Variants in WWOX observed in about 807,000 individuals in gnomAD.
The protein encoded by WWOX is WW domain-containing oxidoreductase.
Under a neutral mutation model 46.2 loss-of-function variants are expected in WWOX, and 69 were observed. The observed-to-expected ratio is 1.49, with a 90% CI of 1.23 to 1.82. The LOEUF (loss-of-function observed/expected upper bound fraction) is 1.82, where lower values mean the gene tolerates loss of function less well. Ranked by LOEUF, WWOX falls within the 40% of genes most tolerant of loss-of-function variation. WWOX has a pLI of 0.00. For missense variants in WWOX, 919 were observed against 542.6 expected (o/e 1.69, Z -6.89); for synonymous variants, 359 against 202.6 (o/e 1.77, Z -6.56).
chr16:78,488,070 A>G (rs1286258731), intron 8 of WWOX, among the ~76,000 whole-genome samples: 1 of 152,194 alleles, frequency 6.6e-6, no homozygotes, highest in Non-Finnish European at 1.5e-5. Flanking sequence ...TTGTGGTTCC[A>G]GCCTATTTTC....
intron 8 of WWOX, among the ~76,000 whole-genome samples, chr16:78,480,438 A>T (rs541800312): frequency 6.6e-5 from 10 of 152,324 alleles, no homozygotes; most frequent in Non-Finnish European, 1.3e-4. Flanking sequence ...GTACTGTTTT[A>T]AGTGTTTTGC....
At chr16:78,999,219 C>A (rs1289673159) in intron 8 of WWOX, among the ~76,000 whole-genome samples, 1 of 151,910 alleles carries the variant, frequency 6.6e-6, no homozygotes, top group East Asian at 1.9e-4. Context: ...ACCTGTAATC[C>A]CAGCACTTTG....
chr16:78,527,990 CCTTTTTTT>C (rs1419981333), intron 8 of WWOX, among the ~76,000 whole-genome samples: 1 of 57,976 alleles, frequency 1.7e-5, no homozygotes, highest in East Asian at 7.3e-4. Context: ...TGGTACATGT[CCTTTTTTT>C]TTTTTTTTTT....
chr16:79,163,516 A>G (rs2050527965), intron 8 of WWOX, among the ~76,000 whole-genome samples: 1 of 152,070 alleles, frequency 6.6e-6, no homozygotes, highest in South Asian at 2.1e-4. Flanking sequence ...TGTTAGAGAA[A>G]GGCCGGGCAT....
At chr16:78,526,361 G>A (rs1329310964) in intron 8 of WWOX, 1 of 152,216 alleles carries the variant, frequency 6.6e-6, no homozygotes, top group Non-Finnish European at 1.5e-5. Flanking sequence ...CCCTTCCACT[G>A]GCTGTGACAA....
intron 8 of WWOX, among the ~76,000 whole-genome samples, chr16:79,035,042 T>A (rs182999202): frequency 2.0e-5 from 3 of 152,326 alleles, no homozygotes; most frequent in African/African-American, 7.2e-5. Flanking sequence ...TTGTCAACAT[T>A]TCCTACATTC....
At chr16:78,673,880 A>G (rs1478638791) in intron 8 of WWOX, among the ~76,000 whole-genome samples, 3 of 152,160 alleles carry the variant, frequency 2.0e-5, no homozygotes, top group Admixed American at 6.5e-5. Context: ...AAGAGCAGCT[A>G]TTTTAGAGAC....
At chr16:78,734,572 G>A (rs1209369570) in intron 8 of WWOX, among the ~76,000 whole-genome samples, 1 of 152,102 alleles carries the variant, frequency 6.6e-6, no homozygotes, top group Non-Finnish European at 1.5e-5. Flanking sequence ...TGGTTTATGT[G>A]TAACTGAACC....
intron 8 of WWOX, among the ~76,000 whole-genome samples, chr16:79,124,539 C>T (rs995828872): frequency 6.6e-6 from 1 of 152,166 alleles, no homozygotes; most frequent in Non-Finnish European, 1.5e-5. Flanking sequence ...TGTTCAGATT[C>T]AGCATCTTTT....
intron 8 of WWOX, among the ~76,000 whole-genome samples, chr16:79,015,598 C>G (rs1409394906): frequency 6.6e-6 from 1 of 152,098 alleles, no homozygotes; most frequent in Non-Finnish European, 1.5e-5. Context: ...GGTTGGGTTC[C>G]ATATTCATAT....
intron 8 of WWOX, among the ~76,000 whole-genome samples, chr16:79,055,204 C>T (rs2048239362): frequency 6.6e-6 from 1 of 152,332 alleles, no homozygotes; most frequent in African/African-American, 2.4e-5. Context: ...ATTACCAGGA[C>T]ACTTGCTGTT....
At position 78,507,397 on chromosome 16, in the gene WWOX, G is replaced by A. The variant is rs191940253; in HGVS notation, c.1056+74645G>A. On this transcript the variant is annotated intron_variant, in intron 8 of 8. Transcript: ENST00000566780. The stretch of plus-strand genomic sequence containing the variant: ...TCAAAAGGAAACAAACAATGTTGCT[G>A]AGAAGTGATAGAATATTCTAGTTTA... Among the ~76,000 whole-genome samples, 3 of 152,306 alleles carry A rather than the reference G, an allele frequency of 2.0e-5. No individual in the cohort carries two copies. The East Asian group carries it at 5.8e-4, about 29-fold the overall frequency.
At chr16:78,581,040 C>T (rs1039151515) in intron 8 of WWOX, among the ~76,000 whole-genome samples, 8 of 152,140 alleles carry the variant, frequency 5.3e-5, no homozygotes, top group African/African-American at 1.9e-4. Context: ...TGAAAATCAG[C>T]CATCAGCCTT....
chr16:78,592,628 T>G (rs928100632), intron 8 of WWOX, among the ~76,000 whole-genome samples: 9 of 152,196 alleles, frequency 5.9e-5, no homozygotes, highest in African/African-American at 2.2e-4. Flanking sequence ...AGACAAGGCC[T>G]GGCATATTTT....
intron 5 of WWOX, among the ~76,000 whole-genome samples, chr16:78,228,010 T>G (rs1256497509): frequency 6.6e-6 from 1 of 152,182 alleles, no homozygotes; most frequent in African/African-American, 2.4e-5. Context: ...CAACATGGTC[T>G]ATGGACCCTC....
intron 6 of WWOX, among the ~76,000 whole-genome samples, chr16:78,405,205 A>G (rs2082498983): frequency 6.6e-6 from 1 of 152,186 alleles, no homozygotes; most frequent in Non-Finnish European, 1.5e-5. Context: ...TCACTATAAG[A>G]AGTTGCAAAT....
intron 5 of WWOX, among the ~76,000 whole-genome samples, chr16:78,372,172 A>T (rs923583955): frequency 6.6e-6 from 1 of 152,222 alleles, no homozygotes; most frequent in Non-Finnish European, 1.5e-5. Context: ...CAGTTCTCAC[A>T]TCTGGACAAC....
At chr16:78,612,765 C>A (rs1367730944) in intron 8 of WWOX, among the ~76,000 whole-genome samples, 1 of 152,152 alleles carries the variant, frequency 6.6e-6, no homozygotes, top group Non-Finnish European at 1.5e-5. Context: ...GCATGAGCCA[C>A]CCCACCCAGC....
intron 8 of WWOX, among the ~76,000 whole-genome samples, chr16:78,738,020 C>T (rs1005917147): frequency 6.6e-6 from 1 of 152,142 alleles, no homozygotes; most frequent in African/African-American, 2.4e-5. Context: ...TGTCAGAGCC[C>T]GGTGGACTTC....
Sources: allele counts gnomAD v4.1 joint callset (sites outside exome capture counted in the v4.1 genomes callset), GRCh38; gene constraint gnomAD v4.1.1; transcripts MANE v1.5; gene names NCBI Gene and HGNC (gene_info 2026-07-23, HGNC 2026-07-21).